DPYS: variants seen among roughly 807,000 people sequenced by gnomAD.
DPYS encodes the protein dihydropyrimidine amidohydrolase.
DPYS carries 39 observed loss-of-function variants against 50.3 expected under a neutral mutation model. The observed-to-expected ratio is 0.78, with a 90% CI of 0.60 to 1.01. The LOEUF (loss-of-function observed/expected upper bound fraction) is 1.01, where lower values mean the gene tolerates loss of function less well. Among genes scored for constraint, DPYS ranks in the 50% least tolerant of loss-of-function variants. DPYS has a pLI of 0.00. For missense variants in DPYS, 659 were observed against 680.9 expected, an observed-to-expected ratio of 0.97 and a Z score of 0.36; for synonymous variants, 245 against 250.7, an observed-to-expected ratio of 0.98 and a Z score of 0.22.
intron 8 of DPYS, among the ~76,000 whole-genome samples, chr8:104,390,370 C>T (rs1037828017): frequency 6.6e-6 from 1 of 152,114 alleles, no homozygotes; most frequent in African/African-American, 2.4e-5. Context: ...TAATTTACAG[C>T]ATCTATTATT....
chr8:104,394,826 A>G (rs958259857), intron 7 of DPYS, among the ~76,000 whole-genome samples: 2 of 147,668 alleles, frequency 1.4e-5, no homozygotes, highest in African/African-American at 5.1e-5. Flanking sequence ...AGGAGCATCT[A>G]GTATGTCAGG....
chr8:104,454,197 C>A (rs552406121), intron 1 of DPYS, among the ~76,000 whole-genome samples: 3 of 152,160 alleles, frequency 2.0e-5, no homozygotes, highest in Admixed American at 6.5e-5. Context: ...ACAAGCCTGG[C>A]CAACATGGTG....
chr8:104,406,993 A>G (rs1812018073), intron 7 of DPYS, among the ~76,000 whole-genome samples: 1 of 152,222 alleles, frequency 6.6e-6, no homozygotes, highest in South Asian at 2.1e-4. Flanking sequence ...TACATTTACT[A>G]ATAGCACTTC....
chr8:104,431,628 A>T (rs568126701), intron 4 of DPYS, among the ~76,000 whole-genome samples: 9 of 152,116 alleles, frequency 5.9e-5, no homozygotes, highest in Non-Finnish European at 1.3e-4. Flanking sequence ...CAGCATAATT[A>T]TGGGTTGTGT....
rs189730235 is a variant in DPYS, at chr8:104,402,265, A to C, written c.1236-9274T>G. On this transcript the variant is annotated intron_variant, in intron 7 of 9. Transcript: ENST00000351513. ...TTTGTTTATCTGCAAATAAGTTATT[A>C]GCAAATTTCTGGATTTCCACTTAGC... Among the ~76,000 whole-genome samples, 777 of 152,368 alleles carry C rather than the reference A, an allele frequency of 5.1e-3. 5 individuals carry two copies. The highest frequency in any genetic ancestry group is 0.017 in the African/African-American group (723 of 41,586).
chr8:104,391,499 G>A (rs150856544), intron 8 of DPYS, among the ~76,000 whole-genome samples: 37 of 152,180 alleles, frequency 2.4e-4, no homozygotes, highest in East Asian at 7.7e-4. Flanking sequence ...TTGCCTCCCC[G>A]GCCCCCATAT....
intron 1 of DPYS, among the ~76,000 whole-genome samples, chr8:104,451,981 A>G (rs1390810710): frequency 6.6e-6 from 1 of 152,156 alleles, no homozygotes; most frequent in Non-Finnish European, 1.5e-5. Flanking sequence ...CTATTGTAAG[A>G]GTCCTGATTG....
At chr8:104,384,288 G>A (rs1242627196) in intron 8 of DPYS, among the ~76,000 whole-genome samples, 2 of 152,130 alleles carry the variant, frequency 1.3e-5, no homozygotes, top group Admixed American at 6.5e-5. Context: ...TTTAATATTT[G>A]CTCATCCTTA....
In DPYS at chr8:104,392,778, A is replaced by G. The variant is rs1159810459; in HGVS notation, c.1443+6T>C. The G allele has an allele frequency of 5.0e-6, 8 of 1,613,758 alleles. No homozygotes were observed. Among genetic ancestry groups the G allele is most frequent in the Non-Finnish European group, 6.8e-6 (8 of 1,179,928 alleles). Reference sequence around the variant, plus strand: ...TTGTGGCAGTATCCCACTGTGGCACACTCACCCGGTCTCGCTGCTTTATTC... The same window carrying G: ...TTGTGGCAGTATCCCACTGTGGCACGCTCACCCGGTCTCGCTGCTTTATTC... On this transcript the variant is annotated splice_donor_region_variant and intron_variant, in intron 8 of 9. Transcript: ENST00000351513.
chr8:104,428,837 C>CTT (rs112742723), intron 5 of DPYS, among the ~76,000 whole-genome samples: 53 of 147,756 alleles, frequency 3.6e-4, no homozygotes, highest in Admixed American at 3.3e-4. Context: ...TTTCTCTTTT[C>CTT]TTTTTTTTTT....
At chr8:104,405,173 A>T (rs557792649) in intron 7 of DPYS, among the ~76,000 whole-genome samples, 1 of 152,340 alleles carries the variant, frequency 6.6e-6, no homozygotes, top group South Asian at 2.1e-4. Flanking sequence ...TCCATGAAGC[A>T]TCTCTGTATT....
At chr8:104,427,282 A>ATTTTTT (rs577311570) in intron 6 of DPYS, among the ~76,000 whole-genome samples, 1 of 142,056 alleles carries the variant, frequency 7.0e-6, no homozygotes. Context: ...CGCTTCGTGT[A>ATTTTTT]TTTTTTTTTT....
At chr8:104,380,889 C>T in intron 9 of DPYS, 1 of 308,000 alleles carries the variant, frequency 3.2e-6, no homozygotes, top group Non-Finnish European at 6.3e-6. Context: ...TTAAGTAGTT[C>T]CCTCTGTATG....
At chr8:104,387,826 T>C (rs143722880) in intron 8 of DPYS, among the ~76,000 whole-genome samples, 1 of 152,210 alleles carries the variant, frequency 6.6e-6, no homozygotes, top group African/African-American at 2.4e-5. Flanking sequence ...TAGTGATGTG[T>C]TGGTAAATAT....
chr8:104,381,546 T>G, intron 8 of DPYS: 2 of 480,098 alleles, frequency 4.2e-6, no homozygotes, highest in South Asian at 4.1e-5. Flanking sequence ...GGACACTCAC[T>G]GGGGCCTCTG....
Position 104,451,263 on chromosome 8 carries a change from T to A in DPYS, c.406A>T (p.Thr136Ser). 7 of 1,614,008 alleles carry A rather than the reference T, an allele frequency of 4.3e-6. No homozygotes were observed. Among genetic ancestry groups the A allele is most frequent in the Non-Finnish European group, 5.1e-6 (6 of 1,180,016 alleles). Residue 136 changes from threonine (T) to serine (S), a missense_variant, in exon 2 of 10, where the codon ACG becomes TCG. Transcript: ENST00000351513. ...TGCTTTACCTGGTCACTCCACCACG[T>A]CACTGCCACATGAAGGCTGTAGTCG... ...CCDYSLHVAVTWWSDQVKEEM... is the reference protein window; with the variant it reads ...CCDYSLHVAVSWWSDQVKEEM...
chr8:104,425,375 G>C (rs1203013727), intron 6 of DPYS, among the ~76,000 whole-genome samples: 1 of 151,970 alleles, frequency 6.6e-6, no homozygotes, highest in Non-Finnish European at 1.5e-5. Context: ...TGGTGCGAAA[G>C]CAATCTGTTT....
chr8:104,454,807 C>T (rs1468161773), intron 1 of DPYS, among the ~76,000 whole-genome samples: 9 of 152,124 alleles, frequency 5.9e-5, no homozygotes, highest in Non-Finnish European at 1.0e-4. Flanking sequence ...AAGATCAACT[C>T]AGAGATTAGA....
In DPYS at chr8:104,428,071, T is replaced by C. The variant is rs121964923; in HGVS notation, c.1001A>G (p.Gln334Arg). The stretch of plus-strand genomic sequence containing the variant: ...AAAATCATCCTTCCCAAGAGCTTTC[T>C]GGCAGGTGTTGAAAGTGCAGTTATC... ...GTDNCTFNTC[Q>R]KALGKDDFTK... Residue 334 changes from glutamine to arginine, a missense_variant, in exon 6 of 10, where the codon CAG (glutamine) becomes CGG (arginine). Physicochemically the swap from Gln to Arg is conservative, Grantham distance 43. Coordinates refer to ENST00000351513, the MANE Select transcript of DPYS (RefSeq NM_001385.3). The C allele has an allele frequency of 5.6e-5, 90 of 1,614,222 alleles. No homozygotes were observed. The East Asian group carries it at 2.0e-3, about 36-fold the overall frequency.
Sources: allele counts gnomAD v4.1 joint callset (sites outside exome capture counted in the v4.1 genomes callset), GRCh38; gene constraint gnomAD v4.1.1; transcripts MANE v1.5; gene names NCBI Gene and HGNC (gene_info 2026-07-23, HGNC 2026-07-21).